The following RAB11FIP3 variants were observed in gnomAD, a reference collection of about 807,000 sequenced individuals.
The protein encoded by RAB11FIP3 is rab11 family-interacting protein 3.
RAB11FIP3 carries 17 observed loss-of-function variants against 77.8 expected under a neutral mutation model. The ratio of observed to expected loss-of-function variants is 0.22; its 90% CI spans 0.15 to 0.33. RAB11FIP3 has a LOEUF of 0.33. Among genes scored for constraint, RAB11FIP3 ranks in the 10% least tolerant of loss-of-function variants. RAB11FIP3 has a pLI of 1.00. For synonymous variants in RAB11FIP3, 437 were observed against 448.2 expected, an observed-to-expected ratio of 0.98 and a Z score of 0.31; for missense variants, 1,005 against 1,011.2, an observed-to-expected ratio of 0.99 and a Z score of 0.08.
At chr16:445,577 T>C (rs1260893159) in intron 1 of RAB11FIP3, among the ~76,000 whole-genome samples, 1 of 152,100 alleles carries the variant, frequency 6.6e-6, no homozygotes, top group African/African-American at 2.4e-5. Flanking sequence ...AGGGAGTGAC[T>C]CTGGTCTGGT....
intron 1 of RAB11FIP3, among the ~76,000 whole-genome samples, chr16:458,100 G>A (rs1438067245): frequency 6.6e-6 from 1 of 152,202 alleles, no homozygotes; most frequent in Non-Finnish European, 1.5e-5. Flanking sequence ...CACACTGTGG[G>A]GTCCCTTAGC....
intron 2 of RAB11FIP3, among the ~76,000 whole-genome samples, chr16:467,029 T>C (rs1052843705): frequency 9.9e-5 from 15 of 152,192 alleles, no homozygotes; most frequent in African/African-American, 3.6e-4. Context: ...CCGTGAGTGC[T>C]GTCGAACCAG....
At chr16:503,307 T>C (rs371843174) in intron 7 of RAB11FIP3, among the ~76,000 whole-genome samples, 1 of 152,236 alleles carries the variant, frequency 6.6e-6, no homozygotes, top group South Asian at 2.1e-4. Context: ...AAAGGAGTCT[T>C]CCTGTTGTGC....
At chr16:475,172 G>A (rs2055879378) in intron 3 of RAB11FIP3, 4 of 1,472,792 alleles carry the variant, frequency 2.7e-6, no homozygotes, top group Non-Finnish European at 3.6e-6. Context: ...AGGGAAGAAG[G>A]AACTGTGACG....
At position 465,424 on chromosome 16, in the gene RAB11FIP3, T is replaced by G. The variant is rs140061733; in HGVS notation, c.808+3927T>G. ...GCCATATTTTACATAGCCATAATAG[T>G]TAAATTGAATATTGATGTAACTGAA... On this transcript the variant is annotated intron_variant, in intron 2 of 13. Transcript: ENST00000262305. Among the ~76,000 whole-genome samples, 655 of 152,252 alleles carry G rather than the reference T, an allele frequency of 4.3e-3. 4 individuals carry two copies. Among genetic ancestry groups the G allele is most frequent in the Middle Eastern group, 6.8e-3 (2 of 294 alleles).
intron 1 of RAB11FIP3, among the ~76,000 whole-genome samples, chr16:444,989 C>T (rs933273310): frequency 6.6e-6 from 1 of 151,452 alleles, no homozygotes; most frequent in Non-Finnish European, 1.5e-5. Context: ...TGGTGGGTAC[C>T]TGTAGTCCCA....
intron 5 of RAB11FIP3, chr16:491,390 C>T: frequency 1.8e-6 from 2 of 1,105,532 alleles, no homozygotes; most frequent in African/African-American, 1.6e-5. Context: ...CGGGACTCTC[C>T]CTGGGGCCCC....
chr16:520,376 G>A (rs1185970397), intron 12 of RAB11FIP3, 83 bp from the exon 13 acceptor site: 3 of 1,590,686 alleles, frequency 1.9e-6, no homozygotes, highest in African/African-American at 2.7e-5. Flanking sequence ...CTGAGCTGGA[G>A]GCCTTTTTCC....
intron 9 of RAB11FIP3, among the ~76,000 whole-genome samples, chr16:516,403 C>T (rs891640797): frequency 6.6e-6 from 1 of 152,190 alleles, no homozygotes; most frequent in Non-Finnish European, 1.5e-5. Context: ...GAGGTGCTTA[C>T]ACTAAAAACC....
chr16:483,385 G>A (rs1404011527), intron 4 of RAB11FIP3, among the ~76,000 whole-genome samples: 3 of 152,200 alleles, frequency 2.0e-5, no homozygotes, highest in Non-Finnish European at 4.4e-5. Flanking sequence ...CATGGTTAGG[G>A]AGGTCAGGCA....
In RAB11FIP3 at chr16:505,702, C is replaced by G. The variant is rs2031837127; in HGVS notation, c.1499+75C>G. ...CGCCTGTCAGCCCCCATTTACTTCTCTTTACCTCACACAGCAGGGGCTTGG... is the reference window on the plus strand; with the variant it reads ...CGCCTGTCAGCCCCCATTTACTTCTGTTTACCTCACACAGCAGGGGCTTGG... On this transcript the variant is annotated intron_variant, in intron 8 of 13. Coordinates refer to ENST00000262305, the MANE Select transcript of RAB11FIP3 (RefSeq NM_014700.4). The surrounding 1 kb of genome is among the most constrained non-coding windows in gnomAD (Gnocchi z 4.0). 1 of 1,260,814 alleles carries G rather than the reference C, an allele frequency of 7.9e-7. No individual in the cohort carries two copies. Among genetic ancestry groups the G allele is most frequent in the African/African-American group, 1.5e-5 (1 of 67,392 alleles). 78.1% of individuals were successfully genotyped at this position (1,260,814 alleles called of 1,614,324 possible). A position where few individuals can be genotyped will look rare whatever the true frequency, so the allele number is the denominator to read the frequency against.
intron 1 of RAB11FIP3, among the ~76,000 whole-genome samples, chr16:449,182 C>G (rs2055367157): frequency 6.6e-6 from 1 of 152,126 alleles, no homozygotes; most frequent in Admixed American, 6.6e-5. Context: ...CACAGGCACA[C>G]ATCCTCCTCC....
At position 502,060 on chromosome 16, in the gene RAB11FIP3, C is replaced by T. The variant is rs139735245; in HGVS notation, c.1302-944C>T. 4.6e-3 allele frequency among the ~76,000 whole-genome samples: 705 copies of T among 152,388 alleles called. 6 individuals are homozygous for T. The highest frequency in any genetic ancestry group is 0.027 in the Middle Eastern group (8 of 294). ...TTAACGGTCACGCAGTTCTGAGCAT[C>T]AGGCTGTCAGCCTGGAGCCTGGCTT... On this transcript the variant is annotated intron_variant, in intron 6 of 13. Coordinates refer to ENST00000262305, the MANE Select transcript of RAB11FIP3 (RefSeq NM_014700.4).
chr16:486,919 T>G (rs916982595), intron 4 of RAB11FIP3, among the ~76,000 whole-genome samples: 2 of 152,186 alleles, frequency 1.3e-5, no homozygotes, highest in Non-Finnish European at 2.9e-5. Context: ...TGTCACAGTA[T>G]CTGAGCCTGT....
chr16:519,155 C>A, intron 10 of RAB11FIP3, 131 bp downstream of exon 10: 2 of 949,602 alleles, frequency 2.1e-6, no homozygotes, highest in South Asian at 1.5e-5. Flanking sequence ...GGGGCCAGCT[C>A]AGGGCCCAGG....
chr16:480,326 A>G (rs1230200591), intron 3 of RAB11FIP3, among the ~76,000 whole-genome samples: 1 of 141,142 alleles, frequency 7.1e-6, no homozygotes, highest in African/African-American at 2.6e-5. Context: ...TGTTTTATTC[A>G]TTTTATTTTC....
intron 1 of RAB11FIP3, among the ~76,000 whole-genome samples, chr16:445,349 G>A (rs2055296940): frequency 6.6e-6 from 1 of 151,132 alleles, no homozygotes; most frequent in African/African-American, 2.4e-5. Context: ...TGAGGCACGA[G>A]AATCGCTTGA....
At chr16:502,853 G>A in intron 6 of RAB11FIP3, 151 bp from the exon 7 acceptor site, 1 of 682,524 alleles carries the variant, frequency 1.5e-6, no homozygotes, top group African/African-American at 1.8e-5. Context: ...AGTGCTTTAA[G>A]TGGGAGAAGA....
chr16:432,587 G>GTTT (rs775298981), intron 1 of RAB11FIP3, among the ~76,000 whole-genome samples: 14 of 111,300 alleles, frequency 1.3e-4, no homozygotes, highest in South Asian at 2.6e-4. Context: ...TTTTGACCTG[G>GTTT]TTTTTTTTTT....
Sources: allele counts gnomAD v4.1 joint callset (sites outside exome capture counted in the v4.1 genomes callset), GRCh38; gene constraint gnomAD v4.1.1; non-coding constraint Gnocchi (gnomAD v3.1); transcripts MANE v1.5; gene names NCBI Gene and HGNC (gene_info 2026-07-23, HGNC 2026-07-21).